FAM135B: variants seen among roughly 807,000 people sequenced by gnomAD.
FAM135B encodes the protein family with sequence similarity 135 member B.
In FAM135B, 43 loss-of-function variants were observed where a neutral mutation model predicts 127.7. The ratio of observed to expected loss-of-function variants is 0.34; its 90% CI spans 0.26 to 0.43. The LOEUF (loss-of-function observed/expected upper bound fraction) is 0.43, where lower values mean the gene tolerates loss of function less well. Among genes scored for constraint, FAM135B ranks in the 20% least tolerant of loss-of-function variants. The pLI is 1.00. For synonymous variants in FAM135B, 670 were observed against 665.1 expected (o/e 1.01, Z -0.11); for missense variants, 1,558 against 1,725.6 (o/e 0.90, Z 1.72).
intron 2 of FAM135B, among the ~76,000 whole-genome samples, chr8:138,350,017 C>G (rs980378394): frequency 6.6e-6 from 1 of 152,122 alleles, no homozygotes; most frequent in African/African-American, 2.4e-5. Flanking sequence ...TCGTTATTCT[C>G]CATGTTCAGA....
At chr8:138,137,118 T>A (rs2130537394) in intron 19 of FAM135B, 29 bp downstream of exon 19, 1 of 1,150,576 alleles carries the variant, frequency 8.7e-7, no homozygotes, top group South Asian at 1.2e-5. Context: ...AATTAGAAAG[T>A]CCCTGAGCAA....
chr8:138,168,168 C>T lies in FAM135B; in HGVS notation c.1104-119G>A, dbSNP rs531572233. The T allele has an allele frequency of 5.1e-4, 592 of 1,169,948 alleles. 10 individuals are homozygous for T. The South Asian group carries it at 9.3e-3, about 18-fold the overall frequency. The allele number at this position is 1,169,948 out of a possible 1,614,324, so 72.5% of individuals were successfully genotyped here. ...CTCAGCTGACTCTGGCAATTGTCTGCCCATCATCCTTTTCTTCCACCCACC... is the reference window on the plus strand; with the variant it reads ...CTCAGCTGACTCTGGCAATTGTCTGTCCATCATCCTTTTCTTCCACCCACC... On this transcript the variant is annotated intron_variant, in intron 11 of 19. Transcript: ENST00000395297.
chr8:138,143,298 C>T (rs958067006), intron 15 of FAM135B, among the ~76,000 whole-genome samples, 189 bp from the exon 16 acceptor site: 2 of 152,106 alleles, frequency 1.3e-5, no homozygotes, highest in Admixed American at 1.3e-4. Context: ...AAGAAAGAAA[C>T]ATGGAGATGC....
At chr8:138,388,065 C>G (rs940115825) in intron 1 of FAM135B, among the ~76,000 whole-genome samples, 1 of 152,022 alleles carries the variant, frequency 6.6e-6, no homozygotes, top group African/African-American at 2.4e-5. Flanking sequence ...TGAGATACCC[C>G]GATTAAAAAG....
At chr8:138,236,542 G>A (rs1361867882) in intron 7 of FAM135B, among the ~76,000 whole-genome samples, 1 of 152,070 alleles carries the variant, frequency 6.6e-6, no homozygotes, top group Non-Finnish European at 1.5e-5. Context: ...TGAGGAGATG[G>A]CATCAGGCTC....
chr8:138,259,521 C>T (rs1434006991), intron 4 of FAM135B, among the ~76,000 whole-genome samples: 1 of 152,140 alleles, frequency 6.6e-6, no homozygotes, highest in Non-Finnish European at 1.5e-5. Flanking sequence ...ACTGACAATT[C>T]TCAACAAAGG....
chr8:138,318,265 C>A (rs1227521554), intron 2 of FAM135B, among the ~76,000 whole-genome samples: 1 of 152,148 alleles, frequency 6.6e-6, no homozygotes, highest in Non-Finnish European at 1.5e-5. Context: ...TCAGTAATTT[C>A]ATGAAGAAGG....
chr8:138,433,479 T>C (rs532155306), intron 1 of FAM135B, among the ~76,000 whole-genome samples: 8 of 151,714 alleles, frequency 5.3e-5, no homozygotes, highest in Non-Finnish European at 1.2e-4. Flanking sequence ...GCAGAGATCA[T>C]GCCACTGCCC....
At chr8:138,221,447 T>G (rs760562522) in intron 7 of FAM135B, among the ~76,000 whole-genome samples, 14 of 152,160 alleles carry the variant, frequency 9.2e-5, no homozygotes, top group Non-Finnish European at 2.1e-4. Flanking sequence ...CCTCCAACAC[T>G]GGGGATTAGA....
intron 2 of FAM135B, among the ~76,000 whole-genome samples, chr8:138,343,463 C>T (rs1829191756): frequency 1.3e-5 from 2 of 152,206 alleles, no homozygotes; most frequent in South Asian, 2.1e-4. Context: ...AACTCTGTCC[C>T]ACCTCTGGTC....
intron 1 of FAM135B, among the ~76,000 whole-genome samples, chr8:138,427,717 A>G (rs1432078037): frequency 6.6e-6 from 1 of 152,164 alleles, no homozygotes; most frequent in Non-Finnish European, 1.5e-5. Context: ...TAACATAGCT[A>G]TGTCAATCGA....
chr8:138,383,591 GAT>G (rs1282843699), intron 1 of FAM135B, among the ~76,000 whole-genome samples: 3 of 152,158 alleles, frequency 2.0e-5, no homozygotes, highest in African/African-American at 4.8e-5. Context: ...CATGATACTG[GAT>G]ACTTCAATGC....
intron 2 of FAM135B, chr8:138,367,434 C>A (rs1174751953): frequency 4.4e-6 from 2 of 456,620 alleles, no homozygotes; most frequent in Non-Finnish European, 8.8e-6. Flanking sequence ...AAGCATTATA[C>A]TTCAGTTATA....
intron 1 of FAM135B, among the ~76,000 whole-genome samples, chr8:138,418,032 T>C (rs1404979204): frequency 2.0e-5 from 3 of 151,860 alleles, no homozygotes; most frequent in Non-Finnish European, 4.4e-5. Flanking sequence ...TGAAACCCAA[T>C]CCAAGGAATC....
intron 1 of FAM135B, among the ~76,000 whole-genome samples, chr8:138,411,798 A>G (rs1457272172): frequency 1.3e-5 from 2 of 152,194 alleles, no homozygotes; most frequent in African/African-American, 2.4e-5. Context: ...ATTCATAATA[A>G]CAAAGACATA....
At chr8:138,448,214 C>T (rs1228499853) in intron 1 of FAM135B, among the ~76,000 whole-genome samples, 1 of 151,940 alleles carries the variant, frequency 6.6e-6, no homozygotes, top group South Asian at 2.1e-4. Context: ...TACGGGGTGC[C>T]CAGATATTTG....
At chr8:138,150,434 C>T (rs535420449) in intron 13 of FAM135B, among the ~76,000 whole-genome samples, 2 of 152,150 alleles carry the variant, frequency 1.3e-5, no homozygotes, top group Non-Finnish European at 2.9e-5. Context: ...CTTTGGGAGG[C>T]CCAGGCGGGT....
chr8:138,267,570 G>GA (rs60418620), intron 3 of FAM135B, among the ~76,000 whole-genome samples: 26,554 of 112,694 alleles, frequency 0.24, 2,668 homozygotes, highest in African/African-American at 0.31. Flanking sequence ...TGGGAGCCAA[G>GA]AAAAAAAAAA....
intron 1 of FAM135B, among the ~76,000 whole-genome samples, chr8:138,487,096 TA>T (rs1281858724): frequency 3.3e-5 from 5 of 152,204 alleles, no homozygotes; most frequent in African/African-American, 9.7e-5. Flanking sequence ...TTGATTACTC[TA>T]ATCAGAACTT....
Sources: allele counts gnomAD v4.1 joint callset (sites outside exome capture counted in the v4.1 genomes callset), GRCh38; gene constraint gnomAD v4.1.1; transcripts MANE v1.5; gene names NCBI Gene and HGNC (gene_info 2026-07-23, HGNC 2026-07-21).